The following ABLIM1 variants were observed in gnomAD, a reference collection of about 807,000 sequenced individuals.
ABLIM1 encodes actin-binding LIM protein 1.
A neutral mutation model predicts 107.0 loss-of-function variants in ABLIM1; 40 were observed. That is an observed-to-expected ratio of 0.37 (90% CI 0.29 to 0.49). ABLIM1 has a LOEUF of 0.49. Among genes scored for constraint, ABLIM1 ranks in the 20% least tolerant of loss-of-function variants. The probability of loss-of-function intolerance (pLI) is 0.97; values close to 1 mark genes in which losing one functional copy is unlikely to be tolerated. For synonymous variants in ABLIM1, 357 were observed against 357.3 expected, an observed-to-expected ratio of 1.00 and a Z score of 0.01; for missense variants, 857 against 1,008.5, an observed-to-expected ratio of 0.85 and a Z score of 2.04.
chr10:114,545,631 A>G (rs927003242), intron 5 of ABLIM1, among the ~76,000 whole-genome samples: 1 of 152,202 alleles, frequency 6.6e-6, no homozygotes, highest in Non-Finnish European at 1.5e-5. Flanking sequence ...ATAGTTATTA[A>G]TATGACACTG....
chr10:114,759,812 A>G (rs1205016312), intron 1 of ABLIM1, among the ~76,000 whole-genome samples: 1 of 152,224 alleles, frequency 6.6e-6, no homozygotes, highest in Non-Finnish European at 1.5e-5. Context: ...GAAAGGCCAC[A>G]GTCTCAATTT....
intron 15 of ABLIM1, among the ~76,000 whole-genome samples, chr10:114,445,640 G>C (rs550012266): frequency 6.6e-6 from 1 of 152,320 alleles, no homozygotes; most frequent in African/African-American, 2.4e-5. Flanking sequence ...TGCAAGGAAG[G>C]CCTGAATTTA....
At chr10:114,529,737 C>T (rs574456955) in intron 6 of ABLIM1, among the ~76,000 whole-genome samples, 10 of 152,174 alleles carry the variant, frequency 6.6e-5, no homozygotes, top group East Asian at 1.9e-4. Flanking sequence ...GGAAATAACC[C>T]GAAGGTGGGC....
intron 1 of ABLIM1, among the ~76,000 whole-genome samples, chr10:114,746,780 T>G (rs1315630236): frequency 6.6e-6 from 1 of 152,216 alleles, no homozygotes; most frequent in Non-Finnish European, 1.5e-5. Context: ...TTCATTGTAG[T>G]TATAATCTGC....
upstream of ABLIM1, among the ~76,000 whole-genome samples, chr10:114,689,364 G>T (rs866715401): frequency 3.8e-3 from 508 of 132,612 alleles, 4 homozygotes; most frequent in African/African-American, 0.013. Context: ...TTGTATATTG[G>T]TTTTTTTTTT....
chr10:114,501,314 A>G (rs2060391487), intron 6 of ABLIM1, among the ~76,000 whole-genome samples: 1 of 152,242 alleles, frequency 6.6e-6, no homozygotes, highest in South Asian at 2.1e-4. Flanking sequence ...GTCCAACTCT[A>G]GAGACTGTCC....
chr10:114,484,876 C>G (rs1361384707), intron 8 of ABLIM1, among the ~76,000 whole-genome samples: 3 of 152,242 alleles, frequency 2.0e-5, no homozygotes, highest in Non-Finnish European at 4.4e-5. Flanking sequence ...CCTCATCTGA[C>G]ATTCCAAGGA....
At chr10:114,664,822 G>T (rs1400086824) in intron 1 of ABLIM1, among the ~76,000 whole-genome samples, 1 of 151,100 alleles carries the variant, frequency 6.6e-6, no homozygotes, top group Non-Finnish European at 1.5e-5. Context: ...GGGATTACAG[G>T]TGTGAGCCAC....
At chr10:114,535,655 G>A (rs1379817740) in intron 6 of ABLIM1, among the ~76,000 whole-genome samples, 1 of 152,144 alleles carries the variant, frequency 6.6e-6, no homozygotes, top group East Asian at 1.9e-4. Flanking sequence ...TGACTTGAAT[G>A]GCCATTCTTG....
At chr10:114,455,517 G>C (rs982594306) in intron 12 of ABLIM1, among the ~76,000 whole-genome samples, 1 of 152,218 alleles carries the variant, frequency 6.6e-6, no homozygotes, top group Non-Finnish European at 1.5e-5. Flanking sequence ...GGGGAAGGAA[G>C]ATTATAATTT....
Position 114,675,791 on chromosome 10 carries a change from C to G in ABLIM1, c.64+8499G>C, listed in dbSNP as rs189907792. Among the ~76,000 whole-genome samples, 17 of 152,310 alleles carry G rather than the reference C, an allele frequency of 1.1e-4. No homozygotes were observed. In the East Asian group the frequency reaches 3.1e-3, roughly 28 times the overall value. ...ACTAGAAATTCAAAGTCAAAGAGTG[C>G]AGAGTCGGTTCCTTCTGAGGGCTGT... On this transcript the variant is annotated intron_variant, in intron 1 of 23. Coordinates refer to the ABLIM1 transcript ENST00000369256.
rs1013117840 is a variant in ABLIM1, at chr10:114,436,096, G to A, written c.*164C>T. The stretch of plus-strand genomic sequence containing the variant: ...TTCTTGGCAAGTGTTACTGTTGGCT[G>A]GCCCGACATTTGACTCATGGTGTTT... On this transcript the variant is annotated 3_prime_UTR_variant, in exon 23 of 23. Coordinates refer to ENST00000533213, the MANE Select transcript of ABLIM1 (RefSeq NM_002313.7). The A allele has an allele frequency of 2.7e-5, 16 of 596,590 alleles. No homozygotes were observed. The highest frequency in any genetic ancestry group is 2.6e-4 in the African/African-American group (14 of 53,850). 37.0% of individuals were successfully genotyped at this position (596,590 alleles called of 1,614,324 possible).
At chr10:114,713,406 G>A (rs1371476485) in intron 1 of ABLIM1, among the ~76,000 whole-genome samples, 2 of 152,286 alleles carry the variant, frequency 1.3e-5, no homozygotes, top group South Asian at 2.1e-4. Context: ...TAGTTTTTAA[G>A]TTCACAGTAG....
At chr10:114,710,868 A>G (rs1427440314) in intron 1 of ABLIM1, among the ~76,000 whole-genome samples, 2 of 152,232 alleles carry the variant, frequency 1.3e-5, no homozygotes, top group African/African-American at 4.8e-5. Flanking sequence ...ATATTTGCAC[A>G]CTAAGTATTT....
At chr10:114,786,436 G>A in the ABLIM1 span, among the ~76,000 whole-genome samples, 1 of 152,148 alleles carries the variant, frequency 6.6e-6, no homozygotes, top group African/African-American at 2.4e-5. Context: ...TATAAAAGAT[G>A]AGGACTGAAT....
Position 114,612,064 on chromosome 10 carries a change from C to T in ABLIM1, c.245-10103G>A, listed in dbSNP as rs540312783. The stretch of plus-strand genomic sequence containing the variant: ...CATGCCCGACCTTCTAGGGTGGTAG[C>T]GGAGACAATGTGAGGCCATATCCTC... On this transcript the variant is annotated intron_variant, in intron 1 of 22. Coordinates refer to ENST00000533213, the MANE Select transcript of ABLIM1 (RefSeq NM_002313.7). 3.9e-5 allele frequency among the ~76,000 whole-genome samples: 6 copies of T among 152,210 alleles called. No homozygotes were observed. The South Asian group carries it at 6.2e-4, about 16-fold the overall frequency.
rs1467738631 is a variant in ABLIM1, at chr10:114,431,978, A to T, written c.*4282T>A. On this transcript the variant is annotated 3_prime_UTR_variant, in exon 23 of 23. Coordinates refer to ENST00000533213, the MANE Select transcript of ABLIM1 (RefSeq NM_002313.7). ...CTGGGCCGCAAACAGAAAAATAAAC[A>T]GTGATTAAAAAAAAATGCCAAAGTG... 1.4e-5 allele frequency: 1 copy of T among 70,668 alleles called. No homozygotes were observed. The highest frequency in any genetic ancestry group is 2.5e-4 in the East Asian group (1 of 3,934). The allele number at this position is 70,668 out of a possible 1,614,324, so 4.4% of individuals were successfully genotyped here.
intron 1 of ABLIM1, among the ~76,000 whole-genome samples, chr10:114,679,852 T>C (rs113951304): frequency 6.6e-6 from 1 of 152,142 alleles, no homozygotes; most frequent in Admixed American, 6.6e-5. Flanking sequence ...GAAGACACTA[T>C]CTGCCTTTTA....
intron 21 of ABLIM1, 120 bp downstream of exon 21, chr10:114,439,056 A>G (rs2059824941): frequency 8.3e-7 from 1 of 1,200,090 alleles, no homozygotes; most frequent in African/African-American, 1.5e-5. Flanking sequence ...CATATTCATG[A>G]CATGGCTCAC....
Sources: allele counts gnomAD v4.1 joint callset (sites outside exome capture counted in the v4.1 genomes callset), GRCh38; gene constraint gnomAD v4.1.1; transcripts MANE v1.5; gene names NCBI Gene and HGNC (gene_info 2026-07-23, HGNC 2026-07-21).